The following NR6A1 variants were observed in gnomAD, a reference collection of about 807,000 sequenced individuals.
NR6A1 encodes nuclear receptor subfamily 6 group A member 1.
Under a neutral mutation model 59.1 loss-of-function variants are expected in NR6A1, and 7 were observed. That is an observed-to-expected ratio of 0.12 (90% CI 0.07 to 0.22). The LOEUF (loss-of-function observed/expected upper bound fraction) is 0.22, where lower values mean the gene tolerates loss of function less well. NR6A1 is among the 10% of genes least tolerant of loss of function. The pLI is 1.00. For synonymous variants in NR6A1, 243 were observed against 236.1 expected (o/e 1.03, Z -0.27); for missense variants, 468 against 611.6 (o/e 0.77, Z 2.48).
chr9:124,748,811 G>A (rs896806338), intron 1 of NR6A1, among the ~76,000 whole-genome samples: 9 of 150,978 alleles, frequency 6.0e-5, no homozygotes, highest in Non-Finnish European at 1.2e-4. Context: ...CTTGCAGTGA[G>A]CTGAGATCGC....
chr9:124,632,032 T>C (rs908760221), intron 2 of NR6A1, among the ~76,000 whole-genome samples: 2 of 152,240 alleles, frequency 1.3e-5, no homozygotes, highest in African/African-American at 4.8e-5. Flanking sequence ...TAGTATTCCA[T>C]GATGTATATG....
intron 6 of NR6A1, among the ~76,000 whole-genome samples, chr9:124,536,662 C>T (rs74822617): frequency 1.4e-5 from 2 of 141,588 alleles, no homozygotes; most frequent in Non-Finnish European, 3.0e-5. Flanking sequence ...AAGACTCTGT[C>T]TAAAAAAAAA....
rs569783066 is a variant in NR6A1, at chr9:124,687,825, A to G, written c.142+45483T>C. Among the ~76,000 whole-genome samples the G allele has an allele frequency of 9.2e-5, 14 of 152,350 alleles. 1 individual carries two copies. The South Asian group carries it at 1.7e-3, about 18-fold the overall frequency. On this transcript the variant is annotated intron_variant, in intron 2 of 9. Transcript: ENST00000487099. Reference sequence around the variant, plus strand: ...TAGCTAAATGCATTCAAATATTTGTATAACTTCTCATTTGACAATTTCTTT... The same window carrying G: ...TAGCTAAATGCATTCAAATATTTGTGTAACTTCTCATTTGACAATTTCTTT...
chr9:124,759,200 G>C (rs1366135210), intron 1 of NR6A1, among the ~76,000 whole-genome samples: 1 of 152,104 alleles, frequency 6.6e-6, no homozygotes, highest in Non-Finnish European at 1.5e-5. Context: ...TGGACACCTA[G>C]CTCTTATATT....
chr9:124,585,049 A>G (rs980382596), intron 2 of NR6A1, among the ~76,000 whole-genome samples: 2 of 152,188 alleles, frequency 1.3e-5, no homozygotes, highest in Admixed American at 6.5e-5. Context: ...CTGGATAGAA[A>G]GGCAAACCAA....
chr9:124,728,011 T>A (rs1404944116), intron 2 of NR6A1, among the ~76,000 whole-genome samples: 1 of 150,120 alleles, frequency 6.7e-6, no homozygotes, highest in Non-Finnish European at 1.5e-5. Context: ...TTTTTATTTT[T>A]ATTTTTATTT....
intron 2 of NR6A1, chr9:124,692,576 C>T (rs1426825191): frequency 2.1e-6 from 1 of 469,860 alleles, no homozygotes; most frequent in East Asian, 6.1e-5. Context: ...TTTCCTGAAG[C>T]AAAAGAGCAA....
At chr9:124,581,449 G>T (rs1396894216) in intron 2 of NR6A1, among the ~76,000 whole-genome samples, 1 of 151,960 alleles carries the variant, frequency 6.6e-6, no homozygotes, top group Admixed American at 6.6e-5. Flanking sequence ...AAAATTAGCT[G>T]GGCATGGTGG....
intron 2 of NR6A1, among the ~76,000 whole-genome samples, chr9:124,625,472 A>G (rs1335560304): frequency 6.6e-6 from 1 of 152,160 alleles, no homozygotes; most frequent in Non-Finnish European, 1.5e-5. Context: ...GACCAAAGGT[A>G]TGCGCCACCA....
At chr9:124,559,536 G>A (rs1834020084) in intron 2 of NR6A1, among the ~76,000 whole-genome samples, 1 of 152,162 alleles carries the variant, frequency 6.6e-6, no homozygotes, top group Non-Finnish European at 1.5e-5. Context: ...AGCACTTTGG[G>A]AGGCCAAGGA....
intron 8 of NR6A1, among the ~76,000 whole-genome samples, chr9:124,525,710 T>TATAC (rs1306500995): frequency 4.1e-5 from 6 of 146,214 alleles, no homozygotes; most frequent in East Asian, 4.3e-4. Flanking sequence ...TATATATATA[T>TATAC]ACACACACAC....
At chr9:124,740,712 T>A (rs1840151173) in intron 1 of NR6A1, among the ~76,000 whole-genome samples, 1 of 152,174 alleles carries the variant, frequency 6.6e-6, no homozygotes, top group African/African-American at 2.4e-5. Flanking sequence ...TTTCTATTGA[T>A]ATACAACAGT....
intron 1 of NR6A1, among the ~76,000 whole-genome samples, chr9:124,741,778 A>G (rs895734915): frequency 1.8e-4 from 27 of 152,216 alleles, no homozygotes; most frequent in African/African-American, 5.1e-4. Flanking sequence ...TCCTGGCACC[A>G]TTACTTACTA....
intron 1 of NR6A1, among the ~76,000 whole-genome samples, chr9:124,770,739 C>CG (rs1372285933): frequency 0.017 from 184 of 10,980 alleles, no homozygotes; most frequent in African/African-American, 0.061. Context: ...GCAGAGGGGA[C>CG]GGGGGGAGGG....
At chr9:124,584,839 G>A (rs1414397857) in intron 2 of NR6A1, among the ~76,000 whole-genome samples, 1 of 152,100 alleles carries the variant, frequency 6.6e-6, no homozygotes, top group East Asian at 1.9e-4. Context: ...TAAATCAAAA[G>A]CTAGAAATCG....
chr9:124,607,402 G>C (rs1314739835), intron 2 of NR6A1: 1 of 152,196 alleles, frequency 6.6e-6, no homozygotes, highest in Non-Finnish European at 1.5e-5. Flanking sequence ...AAGTGGGACT[G>C]TGCCTGTCCG....
rs988539201 is a variant in NR6A1, at chr9:124,771,265, GGCTCCGCGCC to G, written c.-156_-147del. ...GCTCTCTCTGGGCCCCGAGCCGCCC[GGCTCCGCGCC>G]GCTCCGCGCCCCTCCGCGCCGCGCC... On this transcript the variant is annotated 5_prime_UTR_variant, in exon 1 of 10. Coordinates refer to ENST00000487099, the MANE Select transcript of NR6A1 (RefSeq NM_033334.4). 8.3e-5 allele frequency: 35 copies of G among 419,562 alleles called. No individual in the cohort carries two copies. Among genetic ancestry groups the G allele is most frequent in the South Asian group, 7.3e-4 (6 of 8,200 alleles). 26.0% of individuals were successfully genotyped at this position (419,562 alleles called of 1,614,324 possible).
At chr9:124,755,173 C>T (rs200186737) in intron 1 of NR6A1, among the ~76,000 whole-genome samples, 1 of 834 alleles carries the variant, frequency 1.2e-3, no homozygotes, top group Non-Finnish European at 4.8e-3. Flanking sequence ...GTCACATTAC[C>T]GTGGAAATAT....
chr9:124,676,882 G>A (rs188613771), intron 2 of NR6A1, among the ~76,000 whole-genome samples: 4 of 152,234 alleles, frequency 2.6e-5, no homozygotes, highest in East Asian at 1.9e-4. Flanking sequence ...TTTAAAATTC[G>A]TGACTAGAGC....
Sources: allele counts gnomAD v4.1 joint callset (sites outside exome capture counted in the v4.1 genomes callset), GRCh38; gene constraint gnomAD v4.1.1; transcripts MANE v1.5; gene names NCBI Gene and HGNC (gene_info 2026-07-23, HGNC 2026-07-21).